ABAT: variants seen among roughly 807,000 people sequenced by gnomAD.
ABAT encodes 4-aminobutyrate aminotransferase, mitochondrial.
ABAT carries 45 observed loss-of-function variants against 64.6 expected under a neutral mutation model. The ratio of observed to expected loss-of-function variants is 0.70; its 90% CI spans 0.55 to 0.89. The LOEUF (loss-of-function observed/expected upper bound fraction) is 0.89. Among genes scored for constraint, ABAT ranks in the 40% least tolerant of loss-of-function variants. ABAT has a pLI of 0.00. For missense variants in ABAT, 633 were observed against 658.4 expected (o/e 0.96, Z 0.42); for synonymous variants, 297 against 250.5 (o/e 1.19, Z -1.75).
rs41311266 is a variant in ABAT, at chr16:8,772,933, C to A, written c.954+16C>A. 2 of 1,612,874 alleles carry A rather than the reference C, an allele frequency of 1.2e-6. No homozygotes were observed. Among genetic ancestry groups the A allele is most frequent in the East Asian group, 4.5e-5 (2 of 44,878 alleles). On this transcript the variant is annotated intron_variant, in intron 12 of 15. Transcript: ENST00000268251. Reference sequence around the variant, plus strand: ...CGCCAGGAAGGTCAGTGGACAGGGCCGAGGTTGGATGGAGCCATTGGGTTT... The same window carrying A: ...CGCCAGGAAGGTCAGTGGACAGGGCAGAGGTTGGATGGAGCCATTGGGTTT...
At chr16:8,728,089 A>G (rs545304247) in intron 1 of ABAT, among the ~76,000 whole-genome samples, 1 of 148,878 alleles carries the variant, frequency 6.7e-6, no homozygotes, top group South Asian at 2.1e-4. Context: ...AGAGAGAGAG[A>G]TTGATTATAT....
intron 5 of ABAT, among the ~76,000 whole-genome samples, chr16:8,751,151 G>A (rs772049585): frequency 4.6e-5 from 7 of 151,986 alleles, no homozygotes; most frequent in Non-Finnish European, 1.0e-4. Context: ...GTTTTACCAT[G>A]TTGGCCAGGG....
At chr16:8,779,277 C>G (rs574941607) in intron 14 of ABAT, among the ~76,000 whole-genome samples, 1 of 152,196 alleles carries the variant, frequency 6.6e-6, no homozygotes, top group African/African-American at 2.4e-5. Flanking sequence ...GGTTTTTTTC[C>G]TCCACACAAC....
chr16:8,675,772 C>T lies in ABAT; in HGVS notation c.-42+1061C>T, dbSNP rs540098545. On this transcript the variant is annotated intron_variant, in intron 1 of 15. Coordinates refer to ENST00000268251, the MANE Select transcript of ABAT (RefSeq NM_020686.6). ...GACCACCCGCCACCTCTCCCCCGCT[C>T]CCTGCCCCAACACACGCACAAAGGC... 3.8e-4 allele frequency among the ~76,000 whole-genome samples: 58 copies of T among 152,324 alleles called. No homozygotes were observed. The South Asian group carries it at 8.1e-3, about 21-fold the overall frequency.
At chr16:8,772,250 CTCTGTGTGTGTG>C (rs933946950) in intron 11 of ABAT, among the ~76,000 whole-genome samples, 3 of 97,818 alleles carry the variant, frequency 3.1e-5, no homozygotes, top group Admixed American at 1.2e-4. Flanking sequence ...TTCTCTCTGT[CTCTGTGTGTGTG>C]TGTGTGTGTG....
intron 1 of ABAT, among the ~76,000 whole-genome samples, chr16:8,712,007 G>T (rs1230507819): frequency 4.0e-5 from 6 of 151,622 alleles, no homozygotes; most frequent in Non-Finnish European, 5.9e-5. Flanking sequence ...TGGGAGGTCG[G>T]GGGGGAGGGG....
intron 1 of ABAT, among the ~76,000 whole-genome samples, chr16:8,726,262 C>CTTTTTT (rs71152921): frequency 0.63 from 75,172 of 119,752 alleles, 25,441 homozygotes; most frequent in Non-Finnish European, 0.73. Context: ...ATGACTAGAT[C>CTTTTTT]TTTTTTTTTT....
At chr16:8,689,079 CAAA>C (rs35850996) in intron 1 of ABAT, among the ~76,000 whole-genome samples, 6 of 85,836 alleles carry the variant, frequency 7.0e-5, no homozygotes, top group African/African-American at 4.0e-5. Flanking sequence ...GACCCTGTCT[CAAA>C]AAAAAAAAAA....
chr16:8,680,779 A>ACCACATTG (rs2057314927), intron 1 of ABAT, among the ~76,000 whole-genome samples: 1 of 152,098 alleles, frequency 6.6e-6, no homozygotes, highest in Non-Finnish European at 1.5e-5. Context: ...GTGAAGCAAT[A>ACCACATTG]CCACATTGTG....
At chr16:8,679,042 G>A (rs1336077708) in intron 1 of ABAT, among the ~76,000 whole-genome samples, 2 of 152,122 alleles carry the variant, frequency 1.3e-5, no homozygotes, top group African/African-American at 4.8e-5. Flanking sequence ...AAGTGGGCTG[G>A]CCACCTTGTC....
At chr16:8,756,550 G>A (rs751812982) in intron 5 of ABAT, among the ~76,000 whole-genome samples, 4 of 152,118 alleles carry the variant, frequency 2.6e-5, no homozygotes, top group Non-Finnish European at 5.9e-5. Context: ...CCTTTCCTAA[G>A]CCTAATCCCC....
intron 1 of ABAT, among the ~76,000 whole-genome samples, chr16:8,709,814 GCAGT>G (rs1293838026): frequency 4.8e-5 from 7 of 146,082 alleles, no homozygotes; most frequent in Non-Finnish European, 1.0e-4. Flanking sequence ...TGCTATTAGA[GCAGT>G]CAGTTAACTT....
chr16:8,706,404 CA>C (rs56329419), intron 1 of ABAT, among the ~76,000 whole-genome samples: 108 of 95,046 alleles, frequency 1.1e-3, no homozygotes, highest in Admixed American at 2.8e-3. Flanking sequence ...GACCCTGTTT[CA>C]AAAAAAAAAA....
rs2270288 is a variant in ABAT, at chr16:8,781,672, G to T, written c.*242G>T. The T allele has an allele frequency of 0.43, 250,292 of 583,238 alleles. 55,710 individuals carry two copies. The highest frequency in any genetic ancestry group is 0.46 in the Non-Finnish European group (149,047 of 326,410). The allele number at this position is 583,238 out of a possible 1,614,324, so 36.1% of individuals were successfully genotyped here. The stretch of plus-strand genomic sequence containing the variant: ...GTTTAAGCCCAGAGATCCTGCTTGA[G>T]CCCTGGACTCATCTTGGGAAGGGCC... On this transcript the variant is annotated 3_prime_UTR_variant, in exon 16 of 16. Transcript: ENST00000268251. The surrounding 1 kb of genome is among the most constrained non-coding windows in gnomAD (Gnocchi z 4.5).
rs371223511 is a variant in ABAT at position 8,737,078 on chromosome 16, G to T, written c.70+1269G>T. ...ACTGCCTTCTGAAGACAAACTGCTA[G>T]CCGTGTCCTTGGTCTGCATGTTGAA... On this transcript the variant is annotated intron_variant, in intron 2 of 15. Coordinates refer to ENST00000268251, the MANE Select transcript of ABAT (RefSeq NM_020686.6). 5.1e-4 allele frequency: 78 copies of T among 152,550 alleles called. 1 individual carries two copies. Among genetic ancestry groups the T allele is most frequent in the African/African-American group, 1.7e-3 (72 of 41,570 alleles). The allele number at this position is 152,550 out of a possible 1,614,324, so 9.4% of individuals were successfully genotyped here.
chr16:8,693,183 A>T (rs1418908040), intron 1 of ABAT, among the ~76,000 whole-genome samples: 1 of 152,150 alleles, frequency 6.6e-6, no homozygotes, highest in Non-Finnish European at 1.5e-5. Flanking sequence ...CTCCCCAAAA[A>T]CTTTACTACT....
At chr16:8,757,658 T>TG in intron 5 of ABAT, 99 bp from the exon 6 acceptor site, 2 of 1,307,506 alleles carry the variant, frequency 1.5e-6, no homozygotes, top group Admixed American at 1.7e-5. Flanking sequence ...TAAAGAGAGT[T>TG]GGGGGGTTGG....
rs189976542 is a variant in ABAT, at chr16:8,686,498, C to T, written c.-42+11787C>T. On this transcript the variant is annotated intron_variant, in intron 1 of 15. Coordinates refer to ENST00000268251, the MANE Select transcript of ABAT (RefSeq NM_020686.6). ...TTTACCCATGATAATGACAATGACCCATGAGTAGTAGCCACTCACATTGGC... is the reference window on the plus strand; with the variant it reads ...TTTACCCATGATAATGACAATGACCTATGAGTAGTAGCCACTCACATTGGC... Among the ~76,000 whole-genome samples the T allele has an allele frequency of 2.8e-3, 422 of 152,292 alleles. 1 individual carries two copies. The highest frequency in any genetic ancestry group is 9.6e-3 in the African/African-American group (400 of 41,564).
chr16:8,724,731 GA>G (rs1567286719), intron 1 of ABAT, among the ~76,000 whole-genome samples: 45 of 73,200 alleles, frequency 6.1e-4, no homozygotes, highest in African/African-American at 1.6e-3. Flanking sequence ...CTTGTCTCAG[GA>G]AAAAAAAAAA....
Sources: allele counts gnomAD v4.1 joint callset (sites outside exome capture counted in the v4.1 genomes callset), GRCh38; gene constraint gnomAD v4.1.1; non-coding constraint Gnocchi (gnomAD v3.1); transcripts MANE v1.5; gene names NCBI Gene and HGNC (gene_info 2026-07-23, HGNC 2026-07-21).